CSNK1G3: variants seen among roughly 807,000 people sequenced by gnomAD.
CSNK1G3 encodes casein kinase 1 gamma 3, also known as casein kinase I isoform gamma-3.
In CSNK1G3, 23 loss-of-function variants were observed where a neutral mutation model predicts 64.3. The ratio of observed to expected loss-of-function variants is 0.36; its 90% CI spans 0.26 to 0.51. The LOEUF (loss-of-function observed/expected upper bound fraction) is 0.51, where lower values mean the gene tolerates loss of function less well. Among genes scored for constraint, CSNK1G3 ranks in the 20% least tolerant of loss-of-function variants. The probability of loss-of-function intolerance (pLI) is 0.96; values close to 1 mark genes in which losing one functional copy is unlikely to be tolerated. For synonymous variants in CSNK1G3, 158 were observed against 162.2 expected, an observed-to-expected ratio of 0.97 and a Z score of 0.20; for missense variants, 357 against 510.5, an observed-to-expected ratio of 0.70 and a Z score of 2.90.
chr5:123,571,137 T>C lies in CSNK1G3; in HGVS notation c.290-2256T>C, dbSNP rs1788015065. Among the ~76,000 whole-genome samples, 4 of 152,232 alleles carry C rather than the reference T, an allele frequency of 2.6e-5. No homozygotes were observed. In the South Asian group the frequency reaches 8.3e-4, roughly 32 times the overall value. On this transcript the variant is annotated intron_variant, in intron 4 of 12. Coordinates refer to ENST00000345990, the Ensembl canonical transcript of CSNK1G3. The stretch of plus-strand genomic sequence containing the variant: ...CAAGAGGAGATGGGACAAGCGTGTG[T>C]GATGTGTGTGTGTTTGCAGGGGGTG...
At chr5:123,597,609 G>A (rs1793674362) in intron 10 of CSNK1G3, among the ~76,000 whole-genome samples, 1 of 152,034 alleles carries the variant, frequency 6.6e-6, no homozygotes, top group Admixed American at 6.6e-5. Context: ...AGATCCTCAG[G>A]TATTTATTTC....
intron 2 of CSNK1G3, 194 bp downstream of exon 2, chr5:123,546,035 T>C (rs1782459709): frequency 3.8e-6 from 2 of 521,456 alleles, no homozygotes; most frequent in Non-Finnish European, 6.8e-6. Context: ...TAGGAGTGTC[T>C]ACTTTAGCCA....
At chr5:123,617,019 C>T (rs1749560373) in exon 13 of CSNK1G3, 1 of 151,994 alleles carries the variant, frequency 6.6e-6, no homozygotes, top group African/African-American at 2.4e-5. Flanking sequence ...TTTAATAGAG[C>T]AATAATTAAA....
intron 1 of CSNK1G3, among the ~76,000 whole-genome samples, chr5:123,530,041 C>T (rs940592995): frequency 6.6e-5 from 10 of 150,878 alleles, no homozygotes; most frequent in African/African-American, 9.8e-5. Flanking sequence ...GAGATGTGTT[C>T]GGGCCACTGC....
At chr5:123,561,773 A>G (rs1167525699) in intron 4 of CSNK1G3, among the ~76,000 whole-genome samples, 1 of 152,060 alleles carries the variant, frequency 6.6e-6, no homozygotes, top group African/African-American at 2.4e-5. Context: ...TTTTCTCGAC[A>G]GTTTCTCTCT....
chr5:123,551,927 C>T (rs751358144), intron 2 of CSNK1G3, among the ~76,000 whole-genome samples: 2 of 152,078 alleles, frequency 1.3e-5, no homozygotes, highest in South Asian at 4.1e-4. Context: ...ATACATTAAT[C>T]AAATTATCTT....
intron 3 of CSNK1G3, among the ~76,000 whole-genome samples, 165 bp from the exon 4 acceptor site, chr5:123,557,329 TA>T (rs886277388): frequency 6.6e-6 from 1 of 152,192 alleles, no homozygotes; most frequent in African/African-American, 2.4e-5. Flanking sequence ...CATTTTATTT[TA>T]CATTGAACAG....
At chr5:123,524,298 A>G (rs961285775) in intron 1 of CSNK1G3, among the ~76,000 whole-genome samples, 1 of 152,194 alleles carries the variant, frequency 6.6e-6, no homozygotes, top group African/African-American at 2.4e-5. Context: ...GATGCTTGAG[A>G]CGGAAAATGT....
At chr5:123,526,840 T>G (rs1406050009) in intron 1 of CSNK1G3, among the ~76,000 whole-genome samples, 1 of 126,678 alleles carries the variant, frequency 7.9e-6, no homozygotes, top group Non-Finnish European at 1.7e-5. Context: ...CATGTACAGA[T>G]TGTGTGTGTG....
At chr5:123,609,056 C>T (rs573863144) in intron 12 of CSNK1G3, among the ~76,000 whole-genome samples, 3 of 152,160 alleles carry the variant, frequency 2.0e-5, no homozygotes, top group South Asian at 2.1e-4. Context: ...AAGAGGTTGA[C>T]GCAAGGAAAG....
intron 1 of CSNK1G3, among the ~76,000 whole-genome samples, chr5:123,514,740 G>A (rs140622554): frequency 6.6e-6 from 1 of 152,206 alleles, no homozygotes; most frequent in Non-Finnish European, 1.5e-5. Flanking sequence ...TTTTCTCGGT[G>A]AAGGGAACAG....
At chr5:123,545,925 T>C in intron 2 of CSNK1G3, 84 bp downstream of exon 2, 1 of 1,156,486 alleles carries the variant, frequency 8.6e-7, no homozygotes. Context: ...TTTAGTTATT[T>C]AATTGTTTAG....
intron 12 of CSNK1G3, among the ~76,000 whole-genome samples, chr5:123,613,984 A>G (rs964963776): frequency 1.3e-5 from 2 of 152,202 alleles, no homozygotes; most frequent in Admixed American, 6.5e-5. Context: ...AAACTCCCCA[A>G]TGTTAGGATC....
intron 1 of CSNK1G3, among the ~76,000 whole-genome samples, chr5:123,520,442 C>T (rs1419227424): frequency 6.7e-6 from 1 of 148,990 alleles, no homozygotes; most frequent in Non-Finnish European, 1.5e-5. Context: ...TCAGCTGTCA[C>T]TGTGCATTAT....
At chr5:123,601,079 G>T (rs1794414735) in intron 10 of CSNK1G3, among the ~76,000 whole-genome samples, 1 of 152,048 alleles carries the variant, frequency 6.6e-6, no homozygotes, top group South Asian at 2.1e-4. Flanking sequence ...CAAGAAATCA[G>T]CCTGATGTAC....
chr5:123,605,415 A>T, intron 12 of CSNK1G3, 53 bp downstream of exon 13: 1 of 1,582,812 alleles, frequency 6.3e-7, no homozygotes, highest in South Asian at 1.2e-5. Flanking sequence ...GTAATTTCAA[A>T]GATTTAGCAT....
chr5:123,519,372 G>A (rs1225557842), intron 1 of CSNK1G3, among the ~76,000 whole-genome samples: 1 of 152,114 alleles, frequency 6.6e-6, no homozygotes, highest in Non-Finnish European at 1.5e-5. Context: ...TATTTTAGGA[G>A]CTAAAAACAC....
At chr5:123,579,416 A>G (rs1249973042) in intron 6 of CSNK1G3, among the ~76,000 whole-genome samples, 1 of 151,768 alleles carries the variant, frequency 6.6e-6, no homozygotes, top group Non-Finnish European at 1.5e-5. Context: ...ACTTAAAAAT[A>G]TGATTGGGTA....
chr5:123,554,353 A>G (rs1354713276), intron 3 of CSNK1G3, among the ~76,000 whole-genome samples: 1 of 152,204 alleles, frequency 6.6e-6, no homozygotes, highest in African/African-American at 2.4e-5. Flanking sequence ...AGGTGGATTC[A>G]CAGTAATCAG....
Sources: gnomAD v4.1 joint callset for allele counts (sites outside exome capture counted in the v4.1 genomes callset) on GRCh38, gnomAD v4.1.1 for gene constraint, MANE v1.5 for transcripts, NCBI Gene and HGNC (gene_info 2026-07-23, HGNC 2026-07-21) for gene names.